The following KLHL1 variants were observed in gnomAD, a reference collection of about 807,000 sequenced individuals.
The protein encoded by KLHL1 is kelch like family member 1, also known as kelch-like protein 1.
KLHL1 carries 47 observed loss-of-function variants against 77.7 expected under a neutral mutation model. That is an observed-to-expected ratio of 0.60 (90% CI 0.48 to 0.77). The LOEUF (loss-of-function observed/expected upper bound fraction) is 0.77. KLHL1 is among the 30% of genes least tolerant of loss of function. KLHL1 has a pLI of 0.00. For missense variants in KLHL1, 925 were observed against 910.8 expected (o/e 1.02, Z -0.20); for synonymous variants, 360 against 325.2 (o/e 1.11, Z -1.15).
chr13:69,898,274 C>A (rs542235247), intron 4 of KLHL1, among the ~76,000 whole-genome samples: 7 of 152,294 alleles, frequency 4.6e-5, no homozygotes, highest in Admixed American at 1.3e-4. Flanking sequence ...TAGAGCCCTG[C>A]AAACTTTTAC....
chr13:70,038,058 C>T (rs1217078346), intron 1 of KLHL1, among the ~76,000 whole-genome samples: 3 of 152,190 alleles, frequency 2.0e-5, no homozygotes, highest in Non-Finnish European at 4.4e-5. Flanking sequence ...CCCTGCAGGA[C>T]TACCTCCCTG....
intron 7 of KLHL1, among the ~76,000 whole-genome samples, chr13:69,781,912 A>ATTTC (rs1168482041): frequency 3.9e-5 from 6 of 151,976 alleles, no homozygotes; most frequent in African/African-American, 1.5e-4. Flanking sequence ...ATAATTTAAT[A>ATTTC]GTCATTTTAT....
chr13:69,757,584 CTT>C (rs1384884425), intron 7 of KLHL1, among the ~76,000 whole-genome samples: 1 of 152,122 alleles, frequency 6.6e-6, no homozygotes, highest in East Asian at 1.9e-4. Flanking sequence ...GTCAGGAAGA[CTT>C]AATTTTAGAA....
chr13:69,845,021 A>C (rs1879406589), intron 5 of KLHL1, among the ~76,000 whole-genome samples: 1 of 151,674 alleles, frequency 6.6e-6, no homozygotes, highest in African/African-American at 2.4e-5. Flanking sequence ...TAGCAAGACT[A>C]GAACTTGCCC....
At chr13:69,755,415 G>C (rs1008028240) in intron 7 of KLHL1, among the ~76,000 whole-genome samples, 3 of 151,934 alleles carry the variant, frequency 2.0e-5, no homozygotes, top group Non-Finnish European at 4.4e-5. Context: ...TCTCTTTATA[G>C]ATTACCCAGT....
At chr13:70,041,885 C>A (rs922789785) in intron 1 of KLHL1, among the ~76,000 whole-genome samples, 2 of 152,166 alleles carry the variant, frequency 1.3e-5, no homozygotes, top group African/African-American at 4.8e-5. Flanking sequence ...GTTGGATGGA[C>A]GTCTTGGCTC....
intron 1 of KLHL1, among the ~76,000 whole-genome samples, chr13:70,028,402 A>G (rs920164313): frequency 3.9e-5 from 6 of 152,292 alleles, no homozygotes; most frequent in African/African-American, 1.4e-4. Context: ...TTATGAGCAC[A>G]TAGAACTGTT....
At chr13:70,017,436 C>T (rs1885685991) in intron 1 of KLHL1, among the ~76,000 whole-genome samples, 1 of 152,180 alleles carries the variant, frequency 6.6e-6, no homozygotes, top group Non-Finnish European at 1.5e-5. Flanking sequence ...TCAAAAAGAG[C>T]CAAAACTTGT....
At chr13:69,785,828 G>A (rs928277469) in intron 7 of KLHL1, among the ~76,000 whole-genome samples, 36 of 151,878 alleles carry the variant, frequency 2.4e-4, no homozygotes, top group African/African-American at 3.4e-4. Context: ...AGGGGATATC[G>A]CCACCGATCC....
intron 1 of KLHL1, among the ~76,000 whole-genome samples, chr13:70,003,805 G>A (rs1467865198): frequency 6.6e-6 from 1 of 151,654 alleles, no homozygotes; most frequent in Non-Finnish European, 1.5e-5. Context: ...TTAGGAGTAA[G>A]GAATTAAGTA....
chr13:69,736,150 C>G (rs931077585), intron 8 of KLHL1, among the ~76,000 whole-genome samples: 5 of 152,194 alleles, frequency 3.3e-5, no homozygotes, highest in African/African-American at 1.2e-4. Flanking sequence ...CAACAAATGA[C>G]TAATATCCAG....
rs1566401757 is a variant in KLHL1, at chr13:69,919,379, T to C, written c.1014+20661A>G. On this transcript the variant is annotated intron_variant, in intron 4 of 10. Coordinates refer to ENST00000377844, the MANE Select transcript of KLHL1 (RefSeq NM_020866.3). Reference sequence around the variant, plus strand: ...ATATGTATTAGGACAGACATAAATTTTTCTTTACTGGATCCTTTTTTTAGC... The same window carrying C: ...ATATGTATTAGGACAGACATAAATTCTTCTTTACTGGATCCTTTTTTTAGC... Among the ~76,000 whole-genome samples, 2 of 152,128 alleles carry C rather than the reference T, an allele frequency of 1.3e-5. 1 individual carries two copies. The highest frequency in any genetic ancestry group is 3.9e-4 in the East Asian group (2 of 5,194).
At chr13:70,025,617 G>A (rs1322204015) in intron 1 of KLHL1, among the ~76,000 whole-genome samples, 1 of 151,578 alleles carries the variant, frequency 6.6e-6, no homozygotes, top group Non-Finnish European at 1.5e-5. Context: ...TAAATTAGGA[G>A]ATGCTATCTG....
intron 2 of KLHL1, among the ~76,000 whole-genome samples, chr13:69,970,470 G>A (rs1884351273): frequency 6.6e-6 from 1 of 151,994 alleles, no homozygotes; most frequent in African/African-American, 2.4e-5. Flanking sequence ...CCTTCTTTAT[G>A]AGGCCTGCCG....
intron 7 of KLHL1, among the ~76,000 whole-genome samples, chr13:69,778,059 T>C (rs556509790): frequency 6.6e-6 from 1 of 152,010 alleles, no homozygotes; most frequent in East Asian, 1.9e-4. Context: ...AAAATAGAGA[T>C]GGATATATCT....
chr13:69,858,984 A>G (rs1207035400), intron 5 of KLHL1, among the ~76,000 whole-genome samples: 1 of 152,086 alleles, frequency 6.6e-6, no homozygotes, highest in African/African-American at 2.4e-5. Flanking sequence ...ACCTATTCAT[A>G]TACGTGTCCA....
At chr13:69,893,842 G>A (rs1593924749) in intron 4 of KLHL1, among the ~76,000 whole-genome samples, 1 of 152,246 alleles carries the variant, frequency 6.6e-6, no homozygotes, top group African/African-American at 2.4e-5. Context: ...TGTGTTTATA[G>A]GTATTTGTTG....
intron 5 of KLHL1, among the ~76,000 whole-genome samples, chr13:69,844,194 A>T (rs2138119475): frequency 6.6e-6 from 1 of 151,640 alleles, no homozygotes; most frequent in South Asian, 2.1e-4. Flanking sequence ...ATGCCCATAG[A>T]TGTACACATA....
chr13:69,969,433 T>C (rs1180957159), intron 2 of KLHL1, among the ~76,000 whole-genome samples: 1 of 152,072 alleles, frequency 6.6e-6, no homozygotes, highest in African/African-American at 2.4e-5. Flanking sequence ...TAGTGTCAGA[T>C]GGTGAGTTTT....
Sources: gnomAD v4.1 joint callset for allele counts (sites outside exome capture counted in the v4.1 genomes callset) on GRCh38, gnomAD v4.1.1 for gene constraint, MANE v1.5 for transcripts, NCBI Gene and HGNC (gene_info 2026-07-23, HGNC 2026-07-21) for gene names.